The following SAFB2 variants were observed in gnomAD, a reference collection of about 807,000 sequenced individuals.
SAFB2 encodes scaffold attachment factor B2.
In SAFB2, 32 loss-of-function variants were observed where a neutral mutation model predicts 100.6. The ratio of observed to expected loss-of-function variants is 0.32; its 90% CI spans 0.24 to 0.43. SAFB2 has a LOEUF of 0.43. Among genes scored for constraint, SAFB2 ranks in the 20% least tolerant of loss-of-function variants. The probability of loss-of-function intolerance (pLI) is 1.00; values close to 1 mark genes in which losing one functional copy is unlikely to be tolerated. For synonymous variants in SAFB2, 500 were observed against 439.4 expected, an observed-to-expected ratio of 1.14 and a Z score of -1.72; for missense variants, 1,185 against 1,163.4, an observed-to-expected ratio of 1.02 and a Z score of -0.27.
chr19:5,588,447 C>T (rs2052313649), intron 18 of SAFB2, among the ~76,000 whole-genome samples: 1 of 152,182 alleles, frequency 6.6e-6, no homozygotes, highest in Non-Finnish European at 1.5e-5. Context: ...CATGAATGTT[C>T]CTAGCGGCAG....
At chr19:5,613,578 C>A (rs1420746956) in intron 4 of SAFB2, 51 bp from the exon 5 acceptor site, 4 of 1,592,796 alleles carry the variant, frequency 2.5e-6, no homozygotes, top group Non-Finnish European at 3.4e-6. Context: ...CTATGAAAAC[C>A]AAGGCTGACA....
chr19:5,616,216 G>A lies in SAFB2; in HGVS notation c.459C>T (p.Asp153=), dbSNP rs139626058. ...SAPDFGEDGT[D]GLLDSFCDSK... is the part of the protein sequence containing the mutation. Reference sequence around the variant, plus strand: ...TATCACAAAAGGAATCGAGAAGGCCGTCCGTGCCATCCTCCCCAAAATCTG... The same window carrying A: ...TATCACAAAAGGAATCGAGAAGGCCATCCGTGCCATCCTCCCCAAAATCTG... The change falls in exon 4 of 21, where the codon GAC becomes GAT. Residue 153 remains aspartate (D), a synonymous_variant. Transcript: ENST00000252542. 1.2e-3 allele frequency: 1,993 copies of A among 1,614,178 alleles called. 2 individuals are homozygous for A. Among genetic ancestry groups the A allele is most frequent in the Non-Finnish European group, 1.5e-3 (1,791 of 1,180,038 alleles).
At chr19:5,601,766 GACAGAACTTAGGGGGA>G (rs995087826) in intron 11 of SAFB2, among the ~76,000 whole-genome samples, 41 of 151,710 alleles carry the variant, frequency 2.7e-4, no homozygotes, top group African/African-American at 9.0e-4. Context: ...TAGATCCTGA[GACAGAACTTAGGGGGA>G]ATAAAAAGGG....
intron 15 of SAFB2, 153 bp downstream of exon 15, chr19:5,593,738 T>C (rs2052467438): frequency 2.6e-6 from 2 of 759,982 alleles, no homozygotes; most frequent in Admixed American, 7.4e-5. Context: ...AGCAGCGCAG[T>C]GAGATCGGCG....
At chr19:5,597,793 C>T (rs528173184) in intron 13 of SAFB2, among the ~76,000 whole-genome samples, 2 of 152,250 alleles carry the variant, frequency 1.3e-5, no homozygotes, top group African/African-American at 2.4e-5. Context: ...TGAAAAATGA[C>T]ATTAGGAACT....
chr19:5,611,993 C>T (rs747596217), intron 6 of SAFB2: 32 of 397,630 alleles, frequency 8.0e-5, no homozygotes, highest in Non-Finnish European at 1.4e-4. Context: ...GACAGCTCAA[C>T]TTCCAAATTT....
chr19:5,588,716 G>T (rs1029836871), intron 18 of SAFB2, among the ~76,000 whole-genome samples: 1 of 152,108 alleles, frequency 6.6e-6, no homozygotes, highest in South Asian at 2.1e-4. Context: ...CCAAGGGCAG[G>T]GGGGAGGGTG....
At chr19:5,603,583 A>T (rs187414146) in intron 11 of SAFB2, among the ~76,000 whole-genome samples, 4 of 152,332 alleles carry the variant, frequency 2.6e-5, no homozygotes, top group African/African-American at 9.6e-5. Context: ...CCCCTTTATA[A>T]AAATAGAACC....
chr19:5,615,079 G>A (rs2052994578), intron 4 of SAFB2, among the ~76,000 whole-genome samples: 1 of 152,216 alleles, frequency 6.6e-6, no homozygotes, highest in Non-Finnish European at 1.5e-5. Flanking sequence ...AAGTGGCTGG[G>A]CGCAGTGGCT....
intron 9 of SAFB2, among the ~76,000 whole-genome samples, chr19:5,608,520 A>G (rs2052827250): frequency 6.6e-6 from 1 of 152,204 alleles, no homozygotes; most frequent in Non-Finnish European, 1.5e-5. Flanking sequence ...AAAATTGAAC[A>G]GCACGCTTTC....
chr19:5,587,196 G>T lies in SAFB2; in HGVS notation c.*47C>A, dbSNP rs377415067. On this transcript the variant is annotated 3_prime_UTR_variant, in exon 21 of 21. Coordinates refer to ENST00000252542, the MANE Select transcript of SAFB2 (RefSeq NM_014649.3). The surrounding 1 kb of genome is among the most constrained non-coding windows in gnomAD (Gnocchi z 4.9). ...AAGTTCGAGGGAACCCTGGCTACCA[G>T]ATTCAACAGTGCGTCTGCCCACCCG... 1.4e-4 allele frequency: 223 copies of T among 1,596,470 alleles called. 1 individual carries two copies. Among genetic ancestry groups the T allele is most frequent in the Non-Finnish European group, 4.1e-5 (48 of 1,166,846 alleles).
intron 4 of SAFB2, among the ~76,000 whole-genome samples, chr19:5,614,683 C>A (rs967555565): frequency 2.6e-5 from 4 of 152,212 alleles, no homozygotes; most frequent in Non-Finnish European, 5.9e-5. Flanking sequence ...TGACATCAGT[C>A]AGAGTACAAT....
At chr19:5,604,550 G>T in intron 11 of SAFB2, 33 bp downstream of exon 11, 2 of 1,553,310 alleles carry the variant, frequency 1.3e-6, no homozygotes, top group South Asian at 1.1e-5. Flanking sequence ...TCCTCCCAGG[G>T]ATTCCAAGAG....
In SAFB2 at chr19:5,604,956, C is replaced by G. The variant is rs2052742034; in HGVS notation, c.1297-20G>C. 2 of 1,609,600 alleles carry G rather than the reference C, an allele frequency of 1.2e-6. No individual in the cohort carries two copies. Among genetic ancestry groups the G allele is most frequent in the Admixed American group, 1.7e-5 (1 of 59,942 alleles). The stretch of plus-strand genomic sequence containing the variant: ...GACAACCTTCATGAAAAAGGGCACT[C>G]TTACTCTCTCATACAAATGACCACA... On this transcript the variant is annotated intron_variant, in intron 9 of 20. Transcript: ENST00000252542.
At position 5,590,325 on chromosome 19, in the gene SAFB2, G is replaced by A. The variant is rs1599223904; in HGVS notation, c.2478C>T (p.Gly826=). ...GGCCTTCACTCAGCCTCTTGTCGGA[G>A]CCGTAGCCCCCCCAGCCATCACGGG... ...RDSRDGWGGY[G]SDKRLSEGRG... Residue 826 remains glycine (G), a synonymous_variant, in exon 18 of 21, where the codon GGC becomes GGT. Transcript: ENST00000252542. The A allele has an allele frequency of 1.2e-6, 2 of 1,609,150 alleles. No homozygotes were observed. The highest frequency in any genetic ancestry group is 1.3e-5 in the African/African-American group (1 of 74,998).
Position 5,594,039 on chromosome 19 carries a change from GCCGCTCCCGCTCCAT to G in SAFB2, c.2044_2058del (p.Met682_Arg686del). On this transcript the variant is annotated inframe_deletion, in exon 15 of 21. Transcript: ENST00000252542. ...TCCACGCGCATGCGCTCGCGCTCCA[GCCGCTCCCGCTCCAT>G]GCGCTCCCGCTCCAGCCGCTGGCGC... 1 of 1,579,500 alleles carries G rather than the reference GCCGCTCCCGCTCCAT, an allele frequency of 6.3e-7. No individual in the cohort carries two copies. Among genetic ancestry groups the G allele is most frequent in the Middle Eastern group, 1.9e-4 (1 of 5,252 alleles).
chr19:5,610,658 T>C lies in SAFB2; in HGVS notation c.1176A>G (p.Pro392=), dbSNP rs1411973852. 5.1e-6 allele frequency: 8 copies of C among 1,572,716 alleles called. No individual in the cohort carries two copies. In the South Asian group the frequency reaches 6.9e-5, roughly 13 times the overall value. The change falls in exon 8 of 21, where the codon CCA becomes CCG. Residue 392 remains proline (P), a synonymous_variant. Transcript: ENST00000252542. ...TCATACCTTTTTCATCTTTAATGAT[T>C]GGCTTTATATCTTTTTCTTCCTTAA... is the stretch of plus-strand genomic sequence containing the variant. ...SSFKEEKDIK[P]IIKDEKGRVG... is the part of the protein sequence containing the mutation.
At chr19:5,621,445 C>A (rs1286827093) in intron 1 of SAFB2, 49 bp from the exon 2 acceptor site, 1 of 1,161,630 alleles carries the variant, frequency 8.6e-7, no homozygotes, top group Non-Finnish European at 1.3e-6. Flanking sequence ...CTGCAGGGCA[C>A]ACACTGTTCC....
Position 5,594,028 on chromosome 19 carries a change from C to G in SAFB2, c.2070G>C (p.Glu690Asp). 6.4e-7 allele frequency: 1 copy of G among 1,569,774 alleles called. No individual in the cohort carries two copies. Among genetic ancestry groups the G allele is most frequent in the Non-Finnish European group, 8.6e-7 (1 of 1,164,742 alleles). The change falls in exon 15 of 21, where the codon GAG becomes GAC. Residue 690 changes from glutamate (E) to aspartate (D), a missense_variant. Physicochemically the swap from Glu to Asp is conservative, Grantham distance 45 (BLOSUM62 2). This residue lies in a region of SAFB2 where 740 missense variants were observed against 687.1 expected (regional missense o/e 1.08). Transcript: ENST00000252542. ...TGCGCTCACGCTCCACGCGCATGCGCTCGCGCTCCAGCCGCTCCCGCTCCA... is the reference window on the plus strand; with the variant it reads ...TGCGCTCACGCTCCACGCGCATGCGGTCGCGCTCCAGCCGCTCCCGCTCCA... ...ERMERERLER[E>D]RMRVERERRK...
Sources: gnomAD v4.1 joint callset for allele counts (sites outside exome capture counted in the v4.1 genomes callset) on GRCh38, gnomAD v4.1.1 for gene constraint, gnomAD v4.1.1 regional missense constraint, Gnocchi (gnomAD v3.1) non-coding constraint, MANE v1.5 for transcripts, NCBI Gene and HGNC (gene_info 2026-07-23, HGNC 2026-07-21) for gene names.